The following GPR149 variants were observed in gnomAD, a reference collection of about 807,000 sequenced individuals.
GPR149 encodes the protein G protein-coupled receptor 149.
GPR149 carries 50 observed loss-of-function variants against 50.2 expected under a neutral mutation model. The observed-to-expected ratio is 1.00, with a 90% CI of 0.79 to 1.26. GPR149 has a LOEUF of 1.26. Among genes scored for constraint, GPR149 ranks in the 50% most tolerant of loss-of-function variants. The pLI, the probability that GPR149 is intolerant of heterozygous loss-of-function variation, is 0.00. For missense variants in GPR149, 983 were observed against 895.4 expected (o/e 1.10, Z -1.25); for synonymous variants, 405 against 358.2 (o/e 1.13, Z -1.48).
In GPR149 at chr3:154,342,843, T is replaced by G. The variant is rs964412292; in HGVS notation, c.1624-4572A>C. Among the ~76,000 whole-genome samples, 4 of 152,234 alleles carry G rather than the reference T, an allele frequency of 2.6e-5. No homozygotes were observed. In the South Asian group the frequency reaches 6.2e-4, roughly 24 times the overall value. ...CCATCTTTAGAGTATATTTTGATTGTGTATTTGACTATAAAATAAAAACTA... is the reference window on the plus strand; with the variant it reads ...CCATCTTTAGAGTATATTTTGATTGGGTATTTGACTATAAAATAAAAACTA... On this transcript the variant is annotated intron_variant, in intron 3 of 3. Transcript: ENST00000389740.
chr3:154,356,411 T>A (rs2108392463), intron 3 of GPR149, among the ~76,000 whole-genome samples: 2 of 152,304 alleles, frequency 1.3e-5, no homozygotes, highest in Middle Eastern at 6.8e-3. Flanking sequence ...GCAGATGACA[T>A]GATTGTATAT....
At chr3:154,397,779 C>A (rs1715326916) in intron 3 of GPR149, among the ~76,000 whole-genome samples, 1 of 152,094 alleles carries the variant, frequency 6.6e-6, no homozygotes, top group Non-Finnish European at 1.5e-5. Context: ...TATTTGAAAA[C>A]TATTGTGTAA....
chr3:154,388,902 A>ACG (rs1196264522), intron 3 of GPR149, among the ~76,000 whole-genome samples: 1 of 151,844 alleles, frequency 6.6e-6, no homozygotes, highest in African/African-American at 2.4e-5. Context: ...ACACACACAC[A>ACG]CAAAGAACCA....
At chr3:154,356,034 G>C in intron 3 of GPR149, among the ~76,000 whole-genome samples, 1 of 152,200 alleles carries the variant, frequency 6.6e-6, no homozygotes, top group East Asian at 1.9e-4. Context: ...AGAGTAGGCA[G>C]TGTCCTAGGG....
rs1305235547 is a variant in GPR149, at chr3:154,335,562, A to C, written c.*2137T>G. ...TCAATGCAGCAGAATTTTTATGTGC[A>C]TCCATTATACAGTTAATTCAACAAC... On this transcript the variant is annotated 3_prime_UTR_variant, in exon 4 of 4. Coordinates refer to ENST00000389740, the MANE Select transcript of GPR149 (RefSeq NM_001038705.3). The C allele has an allele frequency of 6.6e-6, 1 of 152,178 alleles. No individual in the cohort carries two copies. Among genetic ancestry groups the C allele is most frequent in the Non-Finnish European group, 1.5e-5 (1 of 68,002 alleles). The allele number at this position is 152,178 out of a possible 1,614,324, so 9.4% of individuals were successfully genotyped here. A position where few individuals can be genotyped will look rare whatever the true frequency, so the allele number is the denominator to read the frequency against.
At chr3:154,348,132 G>A (rs1713979448) in intron 3 of GPR149, among the ~76,000 whole-genome samples, 1 of 152,210 alleles carries the variant, frequency 6.6e-6, no homozygotes, top group Non-Finnish European at 1.5e-5. Context: ...AGCTGAGTAA[G>A]AGAGAGGAAT....
intron 3 of GPR149, among the ~76,000 whole-genome samples, chr3:154,349,016 A>G (rs1714000843): frequency 6.6e-6 from 1 of 152,152 alleles, no homozygotes; most frequent in Admixed American, 6.5e-5. Context: ...AAACACTTCT[A>G]AATCATCTAA....
rs1713696435 is a variant in GPR149, at chr3:154,338,005, G to A, written c.1890C>T (p.Ala630=). 2 of 1,614,032 alleles carry A rather than the reference G, an allele frequency of 1.2e-6. No individual in the cohort carries two copies. Among genetic ancestry groups the A allele is most frequent in the South Asian group, 2.2e-5 (2 of 91,086 alleles). Reference sequence around the variant, plus strand: ...TACTAATGATTGACACAGTGTCCAAGGCCTCTTCATTATCACAAATTTCAA... The same window carrying A: ...TACTAATGATTGACACAGTGTCCAAAGCCTCTTCATTATCACAAATTTCAA... ...EVLEICDNEE[A]LDTVSIISNI... The change falls in exon 4 of 4, where the codon GCC becomes GCT. Residue 630 remains alanine (A), a synonymous_variant. Transcript: ENST00000389740.
chr3:154,367,925 G>A (rs1440417017), intron 3 of GPR149, among the ~76,000 whole-genome samples: 1 of 152,140 alleles, frequency 6.6e-6, no homozygotes, highest in Non-Finnish European at 1.5e-5. Context: ...GGCTAAACTG[G>A]GCACCTGTCA....
chr3:154,426,707 AC>A (rs1169229548), intron 2 of GPR149, among the ~76,000 whole-genome samples: 1 of 152,056 alleles, frequency 6.6e-6, no homozygotes, highest in Non-Finnish European at 1.5e-5. Context: ...TCTGGAAGGG[AC>A]CCTGCTTTCC....
intron 3 of GPR149, among the ~76,000 whole-genome samples, chr3:154,359,119 T>G (rs1347487801): frequency 6.6e-6 from 1 of 152,154 alleles, no homozygotes; most frequent in African/African-American, 2.4e-5. Context: ...TCTTCTCAGT[T>G]TTTTTTTGTG....
chr3:154,404,644 C>T (rs1376300013), intron 3 of GPR149, among the ~76,000 whole-genome samples: 1 of 152,164 alleles, frequency 6.6e-6, no homozygotes, highest in African/African-American at 2.4e-5. Context: ...TGGTAGTGAA[C>T]ATATGGACTG....
At chr3:154,420,967 T>A (rs1351333262) in intron 3 of GPR149, 72 bp downstream of exon 3, 5 of 1,088,148 alleles carry the variant, frequency 4.6e-6, no homozygotes, top group Admixed American at 5.5e-5. Context: ...AACAAACAAC[T>A]GATAATGTTT....
At chr3:154,412,560 C>T (rs1466377307) in intron 3 of GPR149, among the ~76,000 whole-genome samples, 1 of 152,014 alleles carries the variant, frequency 6.6e-6, no homozygotes, top group African/African-American at 2.4e-5. Flanking sequence ...AAACCTAGAA[C>T]TCAACCCCTT....
chr3:154,401,010 G>A (rs1364863004), intron 3 of GPR149, among the ~76,000 whole-genome samples: 1 of 152,192 alleles, frequency 6.6e-6, no homozygotes, highest in Non-Finnish European at 1.5e-5. Flanking sequence ...TGACGAATGC[G>A]TTTGAGTCCT....
At position 154,412,035 on chromosome 3, in the gene GPR149, A is replaced by G. The variant is rs138366223; in HGVS notation, c.1623+9004T>C. ...TGGGTTTCATACCAGGAATGCAGGA[A>G]TGGTTTAACATATGTAAGTCCATAA... On this transcript the variant is annotated intron_variant, in intron 3 of 3. Transcript: ENST00000389740. Among the ~76,000 whole-genome samples, 480 of 152,298 alleles carry G rather than the reference A, an allele frequency of 3.2e-3. 2 individuals are homozygous for G. The highest frequency in any genetic ancestry group is 0.011 in the African/African-American group (451 of 41,584).
chr3:154,402,969 G>A (rs573103644), intron 3 of GPR149, among the ~76,000 whole-genome samples: 31 of 152,272 alleles, frequency 2.0e-4, no homozygotes, highest in African/African-American at 7.5e-4. Context: ...GTGAACAAGA[G>A]GGAGGAAAAA....
chr3:154,352,637 G>C lies in GPR149; in HGVS notation c.1624-14366C>G. ...TCAAAACTTGATGCACCAGAAATGT[G>C]GGCTAAAGTTGCAGCCAATGCATCC... On this transcript the variant is annotated intron_variant, in intron 3 of 3. Transcript: ENST00000389740. 3.9e-6 allele frequency: 3 copies of C among 778,188 alleles called. No homozygotes were observed. The South Asian group carries it at 4.0e-5, about 10-fold the overall frequency. The allele number at this position is 778,188 out of a possible 1,614,324, so 48.2% of individuals were successfully genotyped here.
At chr3:154,426,273 C>T (rs546661765) in intron 2 of GPR149, among the ~76,000 whole-genome samples, 20 of 152,230 alleles carry the variant, frequency 1.3e-4, no homozygotes, top group Admixed American at 2.6e-4. Flanking sequence ...AAAAAATTTT[C>T]TGGTAATTTG....
Sources: gnomAD v4.1 joint callset for allele counts (sites outside exome capture counted in the v4.1 genomes callset) on GRCh38, gnomAD v4.1.1 for gene constraint, MANE v1.5 for transcripts, NCBI Gene and HGNC (gene_info 2026-07-23, HGNC 2026-07-21) for gene names.